Variants in KDM4B observed in about 807,000 individuals in gnomAD.
KDM4B encodes the protein lysine demethylase 4B, also known as lysine-specific demethylase 4B.
KDM4B carries 32 observed loss-of-function variants against 125.2 expected under a neutral mutation model. The observed-to-expected ratio is 0.26, with a 90% CI of 0.19 to 0.34. KDM4B has a LOEUF of 0.34. KDM4B is among the 10% of genes least tolerant of loss of function. The pLI is 1.00. For missense variants in KDM4B, 1,190 were observed against 1,577.7 expected, an observed-to-expected ratio of 0.75 and a Z score of 4.16; for synonymous variants, 721 against 677.9, an observed-to-expected ratio of 1.06 and a Z score of -0.99.
chr19:5,051,701 G>A (rs557522251), intron 6 of KDM4B, among the ~76,000 whole-genome samples: 1 of 152,346 alleles, frequency 6.6e-6, no homozygotes, highest in Admixed American at 6.5e-5. Flanking sequence ...CTGCAGCTCC[G>A]CTTGTCAGAA....
chr19:5,145,571 G>A (rs2039827153), intron 21 of KDM4B, among the ~76,000 whole-genome samples: 2 of 152,118 alleles, frequency 1.3e-5, no homozygotes, highest in African/African-American at 4.8e-5. Context: ...CTGGGTGACA[G>A]AGCGAGACTC....
intron 9 of KDM4B, among the ~76,000 whole-genome samples, chr19:5,095,385 G>A (rs1172303611): frequency 2.0e-5 from 3 of 152,228 alleles, no homozygotes; most frequent in African/African-American, 7.2e-5. Context: ...TTTTACATGA[G>A]CAGACTCTAG....
intron 9 of KDM4B, among the ~76,000 whole-genome samples, chr19:5,092,743 G>C (rs1481547747): frequency 3.9e-5 from 6 of 152,322 alleles, no homozygotes; most frequent in Non-Finnish European, 7.4e-5. Flanking sequence ...CGTCAGAGAA[G>C]CAGGAGAGTC....
chr19:5,119,269 G>C, intron 10 of KDM4B: 1 of 1,246,906 alleles, frequency 8.0e-7, no homozygotes, highest in Non-Finnish European at 1.1e-6. Flanking sequence ...TCCATGAGCT[G>C]CTGTTTCCCT....
chr19:5,062,308 A>G (rs1347086009), intron 6 of KDM4B, among the ~76,000 whole-genome samples: 1 of 152,070 alleles, frequency 6.6e-6, no homozygotes, highest in Non-Finnish European at 1.5e-5. Flanking sequence ...CTCCAGACTG[A>G]CCTGTGGGGC....
rs2039668938 is a variant in KDM4B at position 5,137,450 on chromosome 19, A to G, written c.2385+112A>G. 9.7e-6 allele frequency: 12 copies of G among 1,237,312 alleles called. 1 individual carries two copies. The South Asian group carries it at 1.2e-4, about 12-fold the overall frequency. 76.6% of individuals were successfully genotyped at this position (1,237,312 alleles called of 1,614,324 possible). ...CCCCTCCGTGGGCCTGGGTTCCTTC[A>G]CCTCTGCCCTGAGGGGGTGGAACCC... On this transcript the variant is annotated intron_variant, in intron 16 of 22. Coordinates refer to ENST00000159111, the MANE Select transcript of KDM4B (RefSeq NM_015015.3).
Position 5,143,912 on chromosome 19 carries a change from C to T in KDM4B, c.2551-55C>T, listed in dbSNP as rs2039790358. The T allele has an allele frequency of 5.6e-6, 8 of 1,420,644 alleles. No individual in the cohort carries two copies. In the Admixed American group the frequency reaches 1.4e-4, roughly 25 times the overall value. The allele number at this position is 1,420,644 out of a possible 1,614,324, so 88.0% of individuals were successfully genotyped here. Reference sequence around the variant, plus strand: ...CCGGGAGGGGCCGGGGACTCCGTTCCAGGGTCCCTAGGGAAGCTCGAGCCC... The same window carrying T: ...CCGGGAGGGGCCGGGGACTCCGTTCTAGGGTCCCTAGGGAAGCTCGAGCCC... On this transcript the variant is annotated intron_variant, in intron 18 of 22. Transcript: ENST00000159111.
chr19:5,111,582 G>A (rs1301056411), intron 10 of KDM4B: 5 of 744,662 alleles, frequency 6.7e-6, no homozygotes, highest in East Asian at 2.5e-5. Flanking sequence ...TCTGGGAAGT[G>A]TCCAGGCTTC....
intron 5 of KDM4B, among the ~76,000 whole-genome samples, chr19:5,043,639 CATATCCTGCGTGGTGT>C (rs1267221083): frequency 2.0e-5 from 3 of 148,432 alleles, no homozygotes; most frequent in Admixed American, 6.7e-5. Context: ...GGGTGTCCAC[CATATCCTGCGTGGTGT>C]TTATCGGAGT....
chr19:5,122,198 A>G (rs1288403184), intron 11 of KDM4B, among the ~76,000 whole-genome samples: 1 of 152,138 alleles, frequency 6.6e-6, no homozygotes, highest in East Asian at 1.9e-4. Context: ...CTCAGTGTCT[A>G]GAGGCGCCCA....
At chr19:5,090,431 TCTC>T (rs2038663197) in intron 9 of KDM4B, among the ~76,000 whole-genome samples, 2 of 57,184 alleles carry the variant, frequency 3.5e-5, no homozygotes, top group Non-Finnish European at 6.3e-5. Context: ...TCTGTCTCTC[TCTC>T]CCCCATCTCT....
intron 18 of KDM4B, among the ~76,000 whole-genome samples, chr19:5,139,066 G>A (rs1568322318): frequency 6.6e-6 from 1 of 152,084 alleles, no homozygotes. Flanking sequence ...GGGACCACAA[G>A]CACGTGCCAA....
intron 10 of KDM4B, among the ~76,000 whole-genome samples, chr19:5,117,259 C>T (rs1438265838): frequency 6.7e-6 from 1 of 150,172 alleles, no homozygotes; most frequent in Admixed American, 6.6e-5. Flanking sequence ...TGGGGGTGCC[C>T]CTGGAAGGCT....
At chr19:5,030,230 C>A (rs2036409033) in intron 2 of KDM4B, among the ~76,000 whole-genome samples, 1 of 152,208 alleles carries the variant, frequency 6.6e-6, no homozygotes, top group Non-Finnish European at 1.5e-5. Context: ...CCTCTACCTC[C>A]CATGTAGCTG....
In KDM4B at chr19:4,988,465, C is replaced by T. The variant is rs151026109; in HGVS notation, c.-109+19235C>T. Reference sequence around the variant, plus strand: ...TAATTTTTTGTATTTTTAGTAGAGACGGGGTTTCACCATGTTAGCCAGGAT... The same window carrying T: ...TAATTTTTTGTATTTTTAGTAGAGATGGGGTTTCACCATGTTAGCCAGGAT... On this transcript the variant is annotated intron_variant, in intron 1 of 22. Coordinates refer to ENST00000159111, the MANE Select transcript of KDM4B (RefSeq NM_015015.3). 4.4e-3 allele frequency among the ~76,000 whole-genome samples: 662 copies of T among 152,060 alleles called. 5 individuals are homozygous for T. The highest frequency in any genetic ancestry group is 0.015 in the African/African-American group (629 of 41,466).
chr19:5,059,836 T>C (rs1275627266), intron 6 of KDM4B, among the ~76,000 whole-genome samples: 1 of 152,166 alleles, frequency 6.6e-6, no homozygotes, highest in East Asian at 1.9e-4. Flanking sequence ...AGCCTGCAGG[T>C]ATCCAGACGA....
At position 5,119,078 on chromosome 19, in the gene KDM4B, A is replaced by G. The variant is rs1167637204; in HGVS notation, c.1116-575A>G. Reference sequence around the variant, plus strand: ...GACCAGGCGTCCTGGGGAGTTGAGCAGAAGTCCTAGAGAAAAAACCCGTGA... The same window carrying G: ...GACCAGGCGTCCTGGGGAGTTGAGCGGAAGTCCTAGAGAAAAAACCCGTGA... On this transcript the variant is annotated intron_variant, in intron 10 of 22. Transcript: ENST00000159111. The G allele has an allele frequency of 3.1e-6, 4 of 1,301,048 alleles. No homozygotes were observed. The Admixed American group carries it at 6.0e-5, about 20-fold the overall frequency. The allele number at this position is 1,301,048 out of a possible 1,614,324, so 80.6% of individuals were successfully genotyped here.
intron 1 of KDM4B, among the ~76,000 whole-genome samples, chr19:4,979,649 A>T (rs906371699): frequency 5.9e-5 from 9 of 152,220 alleles, no homozygotes; most frequent in Non-Finnish European, 1.2e-4. Flanking sequence ...TCCTGTCACC[A>T]GGGAGGGCCA....
intron 18 of KDM4B, among the ~76,000 whole-genome samples, chr19:5,139,388 G>A (rs551167604): frequency 2.6e-5 from 4 of 152,318 alleles, no homozygotes; most frequent in African/African-American, 4.8e-5. Flanking sequence ...GCGCCGCAGC[G>A]GATGTGGGAG....
Sources: gnomAD v4.1 joint callset for allele counts (sites outside exome capture counted in the v4.1 genomes callset) on GRCh38, gnomAD v4.1.1 for gene constraint, MANE v1.5 for transcripts, NCBI Gene and HGNC (gene_info 2026-07-23, HGNC 2026-07-21) for gene names.